Variants in PRKDC observed in about 807,000 individuals in gnomAD.
PRKDC encodes the protein protein kinase, DNA-activated, catalytic subunit.
A neutral mutation model predicts 486.9 loss-of-function variants in PRKDC; 82 were observed. The observed-to-expected ratio is 0.17, with a 90% confidence interval of 0.14 to 0.20. PRKDC has a LOEUF of 0.20. Ranked by LOEUF, PRKDC falls within the 10% of genes least tolerant of loss-of-function variation. The pLI is 1.00. For missense variants in PRKDC, 4,504 were observed against 5,038.2 expected (o/e 0.89, Z 3.21); for synonymous variants, 1,895 against 1,837.0 (o/e 1.03, Z -0.81).
rs182896304 is a variant in PRKDC at position 47,879,613 on chromosome 8, C to T, written c.5113G>A (p.Gly1705Ser). The T allele has an allele frequency of 1.8e-5, 29 of 1,591,764 alleles. No individual in the cohort carries two copies. Among genetic ancestry groups the T allele is most frequent in the Non-Finnish European group, 2.1e-5 (25 of 1,169,878 alleles). ...ACACGTCTAAGTTCCTCCAGACTGC[C>T]TCCAGTGAGGCTGGTGAAGAATGGA... ...LLPFFTSLTG[G>S]SLEELRRVLE... is the part of the protein sequence containing the mutation. The change falls in exon 39 of 86, where the codon GGC becomes AGC. Residue 1705 changes from glycine to serine, a missense_variant. By Grantham distance (56) the Gly-to-Ser change is moderately conservative. Coordinates refer to ENST00000314191, the MANE Select transcript of PRKDC (RefSeq NM_006904.7).
chr8:47,830,996 A>G (rs1235770096), intron 60 of PRKDC, among the ~76,000 whole-genome samples: 1 of 152,228 alleles, frequency 6.6e-6, no homozygotes, highest in Non-Finnish European at 1.5e-5. Context: ...AATTTGATTT[A>G]GAAGTATTTA....
At position 47,773,713 on chromosome 8, in the gene PRKDC, A is replaced by G; in HGVS notation, c.*460T>C. 1 of 227,640 alleles carries G rather than the reference A, an allele frequency of 4.4e-6. No homozygotes were observed. Among genetic ancestry groups the G allele is most frequent in the Non-Finnish European group, 8.7e-6 (1 of 114,682 alleles). The allele number at this position is 227,640 out of a possible 1,614,324, so 14.1% of individuals were successfully genotyped here. ...TTCTTATTGTTCCTATGCTGCTTCT[A>G]CAATGTTACATCAACTATACTTAGC... On this transcript the variant is annotated 3_prime_UTR_variant, in exon 86 of 86. Transcript: ENST00000314191.
In PRKDC at chr8:47,840,095, C is replaced by A; in HGVS notation, c.7375G>T (p.Val2459Leu). 1 of 1,581,212 alleles carries A rather than the reference C, an allele frequency of 6.3e-7. No individual in the cohort carries two copies. Among genetic ancestry groups the A allele is most frequent in the Non-Finnish European group, 8.6e-7 (1 of 1,161,506 alleles). Residue 2459 changes from valine to leucine, a missense_variant, in exon 55 of 86, where the codon GTG (valine) becomes TTG (leucine). Coordinates refer to ENST00000314191, the MANE Select transcript of PRKDC (RefSeq NM_006904.7). ...VELRELLNPV[V>L]EFVSHPSTTC... ...GTAGAAGGATGGGAAACGAATTCCA[C>A]AACGGGGTTCAGAAGTTCTCGGAGT... is the stretch of plus-strand genomic sequence containing the variant.
chr8:47,857,201 C>G lies in PRKDC; in HGVS notation c.6564G>C (p.Glu2188Asp). ...TCCATGAAAGAATAGTGGCCACTAT[C>G]TCAACCACCATGTAGTGAATTCCTT... ...GGEGIHYMVV[E>D]IVATILSWTG... The change falls in exon 49 of 86, where the codon GAG becomes GAC. Residue 2188 changes from glutamate to aspartate, a missense_variant. Around this residue, in one of 6 missense-constraint regions of PRKDC, gnomAD observed 1,592 missense variants for 1,724.6 expected, o/e 0.92. Coordinates refer to ENST00000314191, the MANE Select transcript of PRKDC (RefSeq NM_006904.7). 1 of 1,614,004 alleles carries G rather than the reference C, an allele frequency of 6.2e-7. No individual in the cohort carries two copies. The highest frequency in any genetic ancestry group is 8.5e-7 in the Non-Finnish European group (1 of 1,179,878).
At chr8:47,845,109 C>T (rs1305510636) in intron 54 of PRKDC, among the ~76,000 whole-genome samples, 4 of 151,968 alleles carry the variant, frequency 2.6e-5, no homozygotes, top group African/African-American at 9.7e-5. Context: ...CCCAGCTACT[C>T]AGGAAAGAGG....
chr8:47,957,543 C>T (rs746368798), intron 1 of PRKDC, 112 bp from the exon 2 acceptor site: 94 of 890,198 alleles, frequency 1.1e-4, no homozygotes, highest in Non-Finnish European at 1.4e-4. Context: ...TGGAGTCTCG[C>T]TCTGTCGCCC....
intron 21 of PRKDC, among the ~76,000 whole-genome samples, chr8:47,922,318 C>T (rs78572563): frequency 8.6e-5 from 13 of 151,900 alleles, no homozygotes; most frequent in African/African-American, 2.7e-4. Flanking sequence ...ATTTTTGTAA[C>T]GAAATTAGCC....
intron 33 of PRKDC, 31 bp from the exon 34 acceptor site, chr8:47,888,681 G>A (rs754853609): frequency 7.1e-6 from 11 of 1,548,446 alleles, no homozygotes; most frequent in South Asian, 2.5e-5. Context: ...TAAATTAGGT[G>A]AGCTCTGATC....
chr8:47,831,785 T>C, intron 60 of PRKDC, 29 bp downstream of exon 60: 1 of 1,605,502 alleles, frequency 6.2e-7, no homozygotes, highest in Non-Finnish European at 8.5e-7. Context: ...ACTGCATCGT[T>C]CTGATCAAAT....
chr8:47,930,628 A>G, intron 17 of PRKDC, 44 bp downstream of exon 17: 1 of 1,504,334 alleles, frequency 6.6e-7, no homozygotes, highest in Non-Finnish European at 9.0e-7. Context: ...GCCAATAACT[A>G]ACAATCATTT....
intron 40 of PRKDC, among the ~76,000 whole-genome samples, chr8:47,865,589 G>A (rs2088790354): frequency 6.6e-6 from 1 of 152,000 alleles, no homozygotes; most frequent in African/African-American, 2.4e-5. Flanking sequence ...ATCTTCATCT[G>A]TAAAAATAAG....
chr8:47,783,034 T>C lies in PRKDC; in HGVS notation c.11176-436A>G, dbSNP rs528569375. On this transcript the variant is annotated intron_variant, in intron 78 of 85. Transcript: ENST00000314191. ...GGCTTACGCCTGTAATCCCAGCACT[T>C]TGGAAGGATGGGGCAGGTAGATCAC... 34 of 181,342 alleles carry C rather than the reference T, an allele frequency of 1.9e-4. No homozygotes were observed. The South Asian group carries it at 3.5e-3, about 19-fold the overall frequency. 11.2% of individuals were successfully genotyped at this position (181,342 alleles called of 1,614,324 possible).
rs573607378 is a variant in PRKDC at position 47,956,880 on chromosome 8, T to C, written c.324+291A>G. Among the ~76,000 whole-genome samples the C allele has an allele frequency of 4.3e-5, 6 of 138,500 alleles. No individual in the cohort carries two copies. In the South Asian group the frequency reaches 1.4e-3, roughly 32 times the overall value. The allele number at this position is 138,500 out of a possible 152,430, so 90.9% of individuals were successfully genotyped here. A position where few individuals can be genotyped will look rare whatever the true frequency, so the allele number is the denominator to read the frequency against. ...TCCTCAGGAAAAAAAAGTATTAAGA[T>C]AGTTATTAAAAAAAATTATCAAAGT... On this transcript the variant is annotated intron_variant, in intron 3 of 85. Transcript: ENST00000314191.
At chr8:47,898,631 T>C (rs2089625903) in intron 28 of PRKDC, 62 bp from the exon 29 acceptor site, 1 of 1,053,444 alleles carries the variant, frequency 9.5e-7, no homozygotes, top group South Asian at 4.4e-5. Context: ...ATTATTAAAT[T>C]TGTATTATAA....
chr8:47,778,649 A>C lies in PRKDC; in HGVS notation c.11663T>G (p.Val3888Gly). ...VPADLLKRAFVRMSTSPEAFL... is the reference protein window; with the variant it reads ...VPADLLKRAFGRMSTSPEAFL... ...AGCCTCAGGGCTTGTACTCATCCTC[A>C]CGAAGGCCCGCCTACAAAAGAGACA... Residue 3888 changes from valine (V) to glycine (G), a missense_variant, in exon 83 of 86, where the codon GTG becomes GGG. Transcript: ENST00000314191. 6.2e-7 allele frequency: 1 copy of C among 1,613,448 alleles called. No individual in the cohort carries two copies. Among genetic ancestry groups the C allele is most frequent in the Non-Finnish European group, 8.5e-7 (1 of 1,179,648 alleles).
chr8:47,928,032 C>T lies in PRKDC; in HGVS notation c.2140-142G>A, dbSNP rs940598604. The T allele has an allele frequency of 5.7e-5, 39 of 683,612 alleles. No homozygotes were observed. In the Middle Eastern group the frequency reaches 1.3e-3, roughly 23 times the overall value. The allele number at this position is 683,612 out of a possible 1,614,324, so 42.3% of individuals were successfully genotyped here. On this transcript the variant is annotated intron_variant, in intron 19 of 85. Transcript: ENST00000314191. ...TGACCACATTCACTTACAAATTACA[C>T]ACTAACCTCCAGGAAAGTTAATTTG...
At chr8:47,837,079 C>T (rs1026203076) in intron 57 of PRKDC, 133 bp downstream of exon 57, 14 of 1,023,020 alleles carry the variant, frequency 1.4e-5, no homozygotes, top group African/African-American at 1.1e-4. Context: ...AGCAGAGGCA[C>T]GAGCCTTCCC....
In PRKDC at chr8:47,854,980, GGTA is replaced by G. The variant is rs2088500057; in HGVS notation, c.6761+239_6761+241del. Among the ~76,000 whole-genome samples, 5 of 152,326 alleles carry G rather than the reference GGTA, an allele frequency of 3.3e-5. No homozygotes were observed. In the South Asian group the frequency reaches 1.0e-3, roughly 32 times the overall value. ...CCCTCTACCCCATGGGCCAACGGAA[GGTA>G]GTGCCCCTCCCCAGCGTGGGGACAT... is the stretch of plus-strand genomic sequence containing the variant. On this transcript the variant is annotated intron_variant, in intron 50 of 85. Transcript: ENST00000314191.
intron 21 of PRKDC, among the ~76,000 whole-genome samples, chr8:47,924,973 C>G (rs145689650): frequency 6.6e-6 from 1 of 152,176 alleles, no homozygotes; most frequent in Non-Finnish European, 1.5e-5. Context: ...CTACCTCCAT[C>G]GCCCTTCTCA....
Sources: allele counts gnomAD v4.1 joint callset (sites outside exome capture counted in the v4.1 genomes callset), GRCh38; gene constraint gnomAD v4.1.1; regional missense constraint gnomAD v4.1.1; transcripts MANE v1.5; gene names NCBI Gene and HGNC (gene_info 2026-07-23, HGNC 2026-07-21).